The following HHAT variants were observed in gnomAD, a reference collection of about 807,000 sequenced individuals.
HHAT encodes the protein hedgehog acyltransferase, also known as protein-cysteine N-palmitoyltransferase HHAT.
HHAT carries 47 observed loss-of-function variants against 70.8 expected under a neutral mutation model. The ratio of observed to expected loss-of-function variants is 0.66; its 90% CI spans 0.53 to 0.85. The LOEUF is 0.85. HHAT is among the 40% of genes least tolerant of loss of function. The probability of loss-of-function intolerance (pLI) is 0.00; values close to 1 mark genes in which losing one functional copy is unlikely to be tolerated. For synonymous variants in HHAT, 228 were observed against 247.6 expected, an observed-to-expected ratio of 0.92 and a Z score of 0.74; for missense variants, 609 against 604.8, an observed-to-expected ratio of 1.01 and a Z score of -0.07.
At chr1:210,386,222 C>CTTTTTTCTTT (rs1558409107) in intron 3 of HHAT, among the ~76,000 whole-genome samples, 8 of 69,888 alleles carry the variant, frequency 1.1e-4, no homozygotes, top group African/African-American at 3.7e-4. Context: ...GAGTCCTTTT[C>CTTTTTTCTTT]TTTTTTTCTT....
At chr1:210,354,600 G>A (rs1019901735) in intron 2 of HHAT, among the ~76,000 whole-genome samples, 1 of 152,072 alleles carries the variant, frequency 6.6e-6, no homozygotes, top group Non-Finnish European at 1.5e-5. Flanking sequence ...GGACTCAAGC[G>A]ATCTTCCTGC....
intron 9 of HHAT, among the ~76,000 whole-genome samples, chr1:210,570,272 C>T (rs970971099): frequency 1.3e-5 from 2 of 152,156 alleles, no homozygotes; most frequent in African/African-American, 4.8e-5. Flanking sequence ...GGAGGGGGCT[C>T]GGTCCTTTGC....
At chr1:210,483,363 C>T (rs1223776562) in intron 8 of HHAT, among the ~76,000 whole-genome samples, 1 of 152,174 alleles carries the variant, frequency 6.6e-6, no homozygotes, top group African/African-American at 2.4e-5. Context: ...GTAGAGAGAA[C>T]ACTTCTCTGA....
chr1:210,643,870 T>C (rs1673465888), intron 11 of HHAT, among the ~76,000 whole-genome samples: 3 of 152,200 alleles, frequency 2.0e-5, no homozygotes, highest in Admixed American at 6.5e-5. Flanking sequence ...AATGATATAT[T>C]CATATGCCAA....
At chr1:210,580,008 T>C (rs575520421) in intron 9 of HHAT, among the ~76,000 whole-genome samples, 8 of 152,364 alleles carry the variant, frequency 5.3e-5, no homozygotes, top group Middle Eastern at 6.8e-3. Flanking sequence ...TAATTACATT[T>C]ACCTAGAAGT....
At chr1:210,584,984 T>A (rs1322892235) in intron 9 of HHAT, among the ~76,000 whole-genome samples, 1 of 152,236 alleles carries the variant, frequency 6.6e-6, no homozygotes, top group Non-Finnish European at 1.5e-5. Flanking sequence ...CTAATTTGAT[T>A]GTCAAGATGG....
chr1:210,437,975 G>A (rs1435530594), intron 7 of HHAT, among the ~76,000 whole-genome samples: 1 of 151,810 alleles, frequency 6.6e-6, no homozygotes, highest in African/African-American at 2.4e-5. Context: ...ATATAAGGTT[G>A]CAGCTGTTCA....
intron 4 of HHAT, among the ~76,000 whole-genome samples, chr1:210,393,149 C>T (rs1025991726): frequency 2.0e-5 from 3 of 152,006 alleles, no homozygotes; most frequent in East Asian, 1.9e-4. Context: ...CTGCTGGCTT[C>T]GTGGAGTTGT....
At chr1:210,492,049 C>T (rs2094560223) in intron 8 of HHAT, among the ~76,000 whole-genome samples, 1 of 152,146 alleles carries the variant, frequency 6.6e-6, no homozygotes, top group South Asian at 2.1e-4. Context: ...GGGTGTGAGC[C>T]ACTGCACCTG....
chr1:210,417,177 G>A (rs2092746991), intron 6 of HHAT, among the ~76,000 whole-genome samples: 1 of 152,194 alleles, frequency 6.6e-6, no homozygotes, highest in Non-Finnish European at 1.5e-5. Context: ...CCGAGTTTAT[G>A]GAGTGAAACT....
At chr1:210,613,182 CTAAATCCA>C (rs201336048) in intron 10 of HHAT, among the ~76,000 whole-genome samples, 2,086 of 152,260 alleles carry the variant, frequency 0.014, 49 homozygotes, top group African/African-American at 0.047. Context: ...GAAATCATTG[CTAAATCCA>C]ATGTCATGAA....
At chr1:210,500,451 C>A (rs1006085927) in intron 8 of HHAT, among the ~76,000 whole-genome samples, 7 of 152,146 alleles carry the variant, frequency 4.6e-5, no homozygotes, top group African/African-American at 1.7e-4. Flanking sequence ...CAGAAGTCAA[C>A]CCTTAGAAGC....
intron 4 of HHAT, among the ~76,000 whole-genome samples, chr1:210,398,723 G>A (rs2091921007): frequency 1.3e-5 from 2 of 152,156 alleles, no homozygotes; most frequent in African/African-American, 4.8e-5. Flanking sequence ...AAATGCTGTA[G>A]GTCATGTTGG....
chr1:210,422,669 G>T (rs921243644), intron 7 of HHAT, among the ~76,000 whole-genome samples: 3 of 151,606 alleles, frequency 2.0e-5, no homozygotes, highest in Non-Finnish European at 4.4e-5. Context: ...ACGGAGTCTC[G>T]CTCCATCGCC....
intron 7 of HHAT, among the ~76,000 whole-genome samples, chr1:210,435,485 C>G (rs2093353366): frequency 1.3e-5 from 2 of 151,666 alleles, no homozygotes; most frequent in South Asian, 4.2e-4. Flanking sequence ...GGGTGTGTAT[C>G]CAGTAGTGGA....
At chr1:210,630,638 C>T (rs1325653073) in intron 11 of HHAT, among the ~76,000 whole-genome samples, 1 of 152,198 alleles carries the variant, frequency 6.6e-6, no homozygotes, top group Non-Finnish European at 1.5e-5. Flanking sequence ...ACAGATCTCT[C>T]CCACCCGCTC....
At position 210,664,000 on chromosome 1, in the gene HHAT, A is replaced by C. The variant is rs1473163278; in HGVS notation, c.1391-10288A>C. ...ACCGGGGTTTGAGTTCCAGGTATGT[A>C]AACTCTGTGAGGGTAAGGAATTATC... On this transcript the variant is annotated intron_variant, in intron 11 of 11. Coordinates refer to ENST00000261458, the MANE Select transcript of HHAT (RefSeq NM_018194.6). Among the ~76,000 whole-genome samples, 3 of 152,358 alleles carry C rather than the reference A, an allele frequency of 2.0e-5. No homozygotes were observed. In the East Asian group the frequency reaches 5.8e-4, roughly 29 times the overall value.
intron 8 of HHAT, among the ~76,000 whole-genome samples, chr1:210,512,008 G>A (rs1183609628): frequency 1.3e-5 from 2 of 152,106 alleles, no homozygotes; most frequent in African/African-American, 4.8e-5. Flanking sequence ...AGAGGTTCAG[G>A]AGGAACAAGC....
chr1:210,363,277 C>T (rs1191748160), intron 3 of HHAT, among the ~76,000 whole-genome samples: 1 of 152,206 alleles, frequency 6.6e-6, no homozygotes, highest in Non-Finnish European at 1.5e-5. Flanking sequence ...GAACATCTTC[C>T]TTCTGGCCTC....
Sources: allele counts gnomAD v4.1 joint callset (sites outside exome capture counted in the v4.1 genomes callset), GRCh38; gene constraint gnomAD v4.1.1; transcripts MANE v1.5; gene names NCBI Gene and HGNC (gene_info 2026-07-23, HGNC 2026-07-21).